GLIPR1L2: variants seen among roughly 807,000 people sequenced by gnomAD.
GLIPR1L2 encodes GLIPR1-like protein 2.
In GLIPR1L2, 21 loss-of-function variants were observed where a neutral mutation model predicts 28.4. The observed-to-expected ratio is 0.74, with a 90% confidence interval of 0.52 to 1.06. The LOEUF (loss-of-function observed/expected upper bound fraction) is 1.06, where lower values mean the gene tolerates loss of function less well. GLIPR1L2 is among the 50% of genes least tolerant of loss of function. The probability of loss-of-function intolerance (pLI) is 0.00; values close to 1 mark genes in which losing one functional copy is unlikely to be tolerated. For synonymous variants in GLIPR1L2, 145 were observed against 139.3 expected (o/e 1.04, Z -0.29); for missense variants, 476 against 416.9 (o/e 1.14, Z -1.23).
intron 1 of GLIPR1L2, among the ~76,000 whole-genome samples, chr12:75,409,728 CG>C (rs2045843978): frequency 1.1e-5 from 1 of 91,838 alleles, no homozygotes; most frequent in African/African-American, 3.7e-5. Context: ...ATATCTAATC[CG>C]ATATATATAA....
chr12:75,393,055 A>G (rs2045647762), intron 1 of GLIPR1L2, among the ~76,000 whole-genome samples: 1 of 152,022 alleles, frequency 6.6e-6, no homozygotes, highest in Non-Finnish European at 1.5e-5. Context: ...ATTTTAATGT[A>G]TGTACTTTTT....
chr12:75,395,478 C>T (rs148670178), intron 1 of GLIPR1L2, among the ~76,000 whole-genome samples: 1 of 151,842 alleles, frequency 6.6e-6, no homozygotes, highest in East Asian at 1.9e-4. Context: ...TAAATATTCT[C>T]CTGTCTTCAT....
In GLIPR1L2 at chr12:75,423,442, C is replaced by T. The variant is rs964391179; in HGVS notation, c.670+453C>T. The T allele has an allele frequency of 3.3e-6, 3 of 918,406 alleles. No individual in the cohort carries two copies. In the South Asian group the frequency reaches 1.5e-4, roughly 46 times the overall value. The allele number at this position is 918,406 out of a possible 1,614,324, so 56.9% of individuals were successfully genotyped here. A position where few individuals can be genotyped will look rare whatever the true frequency, so the allele number is the denominator to read the frequency against. On this transcript the variant is annotated intron_variant, in intron 4 of 5. Transcript: ENST00000550916. ...AAAAAGTAGAAAATATGTTTGATTA[C>T]ATTTTTCTTTTAGTTTTTCCAAACA...
At chr12:75,419,012 G>A (rs895432281) in intron 3 of GLIPR1L2, among the ~76,000 whole-genome samples, 2 of 152,066 alleles carry the variant, frequency 1.3e-5, no homozygotes, top group Admixed American at 6.6e-5. Flanking sequence ...GGGGCCTGTC[G>A]GGGTGGGGTG....
chr12:75,401,324 A>C (rs1296957763), intron 1 of GLIPR1L2, among the ~76,000 whole-genome samples: 3 of 151,414 alleles, frequency 2.0e-5, no homozygotes, highest in African/African-American at 7.3e-5. Context: ...AAAGAGAAAC[A>C]ATATTATAAA....
chr12:75,397,135 G>C (rs185513593), intron 1 of GLIPR1L2, among the ~76,000 whole-genome samples: 2 of 152,028 alleles, frequency 1.3e-5, no homozygotes, highest in African/African-American at 4.8e-5. Context: ...TCTCCCTACA[G>C]TCCATCTCTT....
chr12:75,417,480 GT>G (rs1402091445), intron 3 of GLIPR1L2, among the ~76,000 whole-genome samples: 1 of 152,084 alleles, frequency 6.6e-6, no homozygotes, highest in Admixed American at 6.6e-5. Flanking sequence ...TGTTAATATA[GT>G]TACAGAAAAT....
intron 1 of GLIPR1L2, among the ~76,000 whole-genome samples, chr12:75,402,122 A>G (rs1450760814): frequency 3.9e-5 from 6 of 152,158 alleles, no homozygotes; most frequent in Admixed American, 3.3e-4. Flanking sequence ...GTGTAAGACA[A>G]TATTTATTAT....
Position 75,422,904 on chromosome 12 carries a change from A to G in GLIPR1L2, c.585A>G (p.Gly195=). The change falls in exon 4 of 6, where the codon GGA becomes GGG. Residue 195 remains glycine, a splice_region_variant and synonymous_variant. Coordinates refer to ENST00000550916, the MANE Select transcript of GLIPR1L2 (RefSeq NM_001270396.2). ...ATGTTTTCTGCTTTTTTGTTTGTAG[A>G]GGAACACTGACGAGAAGACCTTATG... is the stretch of plus-strand genomic sequence containing the variant. The part of the protein sequence containing the change: ...AAIFICNYAP[G]GTLTRRPYEP... 1.2e-6 allele frequency: 2 copies of G among 1,601,296 alleles called. No individual in the cohort carries two copies. Among genetic ancestry groups the G allele is most frequent in the South Asian group, 2.3e-5 (2 of 87,292 alleles).
rs71078729 is a variant in GLIPR1L2 at position 75,398,328 on chromosome 12, C to CAAA, written c.234+6999_234+7001dup. Among the ~76,000 whole-genome samples, 25 of 87,890 alleles carry CAAA rather than the reference C, an allele frequency of 2.8e-4. 1 individual carries two copies. Among genetic ancestry groups the CAAA allele is most frequent in the African/African-American group, 5.8e-4 (12 of 20,786 alleles). The allele number at this position is 87,890 out of a possible 152,430, so 57.7% of individuals were successfully genotyped here. On this transcript the variant is annotated intron_variant, in intron 1 of 5. Coordinates refer to ENST00000550916, the MANE Select transcript of GLIPR1L2 (RefSeq NM_001270396.2). ...TGGGCGATAGAATGAGACTCCATCT[C>CAAA]AAAAAAAAAAAAAAAAAAAAAAACT...
intron 1 of GLIPR1L2, among the ~76,000 whole-genome samples, chr12:75,409,582 C>T (rs12833152): frequency 3.0e-5 from 3 of 100,730 alleles, no homozygotes; most frequent in Admixed American, 1.0e-4. Context: ...TATATATACA[C>T]ACACACATAT....
At position 75,393,860 on chromosome 12, in the gene GLIPR1L2, G is replaced by A. The variant is rs200780208; in HGVS notation, c.234+2510G>A. On this transcript the variant is annotated intron_variant, in intron 1 of 5. Coordinates refer to ENST00000550916, the MANE Select transcript of GLIPR1L2 (RefSeq NM_001270396.2). Reference sequence around the variant, plus strand: ...CTGCACCATTTTACATTCCCACCAAGAATGTTCAAGGGTTCAATTTCTCCA... The same window carrying A: ...CTGCACCATTTTACATTCCCACCAAAAATGTTCAAGGGTTCAATTTCTCCA... Among the ~76,000 whole-genome samples the A allele has an allele frequency of 2.6e-5, 4 of 151,870 alleles. No individual in the cohort carries two copies. The East Asian group carries it at 7.7e-4, about 29-fold the overall frequency.
chr12:75,401,347 T>G lies in GLIPR1L2; in HGVS notation c.235-9087T>G, dbSNP rs553035079. On this transcript the variant is annotated intron_variant, in intron 1 of 5. Transcript: ENST00000550916. ...ACAATATTATAAAATAATATAGAAA[T>G]GAAGACTAAAGATAAAAAGAAATAC... is the stretch of plus-strand genomic sequence containing the variant. Among the ~76,000 whole-genome samples, 319 of 148,144 alleles carry G rather than the reference T, an allele frequency of 2.2e-3. 2 individuals are homozygous for G. Among genetic ancestry groups the G allele is most frequent in the Non-Finnish European group, 3.6e-3 (242 of 66,712 alleles).
intron 1 of GLIPR1L2, among the ~76,000 whole-genome samples, chr12:75,407,468 CAAAAT>C (rs1389790392): frequency 1.3e-5 from 2 of 151,856 alleles, no homozygotes; most frequent in East Asian, 3.9e-4. Flanking sequence ...AACTATAAAA[CAAAAT>C]AAAGGGGAGA....
At chr12:75,403,447 G>C (rs1398616594) in intron 1 of GLIPR1L2, among the ~76,000 whole-genome samples, 2 of 152,008 alleles carry the variant, frequency 1.3e-5, no homozygotes, top group Non-Finnish European at 2.9e-5. Context: ...TCTCCTTGTG[G>C]TCTCCATTTG....
intron 1 of GLIPR1L2, among the ~76,000 whole-genome samples, chr12:75,402,727 C>A (rs754909486): frequency 1.7e-4 from 26 of 152,190 alleles, no homozygotes; most frequent in Non-Finnish European, 2.6e-4. Flanking sequence ...CCAGTTTAGA[C>A]AGCATCTGTT....
intron 1 of GLIPR1L2, among the ~76,000 whole-genome samples, chr12:75,396,627 C>A (rs1041464082): frequency 3.3e-5 from 5 of 152,186 alleles, no homozygotes; most frequent in African/African-American, 1.2e-4. Context: ...CTTTTGTTAG[C>A]TGAACTCAGA....
Position 75,391,130 on chromosome 12 carries a change from G to C in GLIPR1L2, c.14G>C (p.Arg5Thr), listed in dbSNP as rs778332182. Residue 5 changes from arginine to threonine, a missense_variant, in exon 1 of 6, where the codon AGG becomes ACG. Physicochemically the swap from Arg to Thr is moderately conservative, Grantham distance 71 (BLOSUM62 -1). Transcript: ENST00000550916. Reference protein sequence around the residue: MEAARPFAREWRAQS... With the variant: MEAATPFAREWRAQS... ...GGCCGGTGGACCATGGAGGCCGCAA[G>C]GCCCTTCGCCCGGGAGTGGAGGGCC... 3 of 1,613,372 alleles carry C rather than the reference G, an allele frequency of 1.9e-6. No homozygotes were observed. The highest frequency in any genetic ancestry group is 2.2e-5 in the South Asian group (2 of 91,060).
intron 1 of GLIPR1L2, among the ~76,000 whole-genome samples, chr12:75,398,567 C>T (rs1269612598): frequency 6.6e-6 from 1 of 152,052 alleles, no homozygotes. Context: ...CCTTCTTTTT[C>T]TGAGCTGTTC....
Sources: allele counts gnomAD v4.1 joint callset (sites outside exome capture counted in the v4.1 genomes callset), GRCh38; gene constraint gnomAD v4.1.1; transcripts MANE v1.5; gene names NCBI Gene and HGNC (gene_info 2026-07-23, HGNC 2026-07-21).